Variants in PPHLN1 observed in about 807,000 individuals in gnomAD.
PPHLN1 encodes periphilin-1.
Under a neutral mutation model 51.3 loss-of-function variants are expected in PPHLN1, and 29 were observed. That is an observed-to-expected ratio of 0.57 (90% CI 0.42 to 0.77). The LOEUF (loss-of-function observed/expected upper bound fraction) is 0.77, where lower values mean the gene tolerates loss of function less well. Ranked by LOEUF, PPHLN1 falls within the 30% of genes least tolerant of loss-of-function variation. The pLI is 0.00. For missense variants in PPHLN1, 436 were observed against 438.4 expected (o/e 0.99, Z 0.05); for synonymous variants, 147 against 147.8 (o/e 0.99, Z 0.04).
chr12:42,362,604 T>C (rs1383822151), intron 4 of PPHLN1, among the ~76,000 whole-genome samples: 1 of 152,240 alleles, frequency 6.6e-6, no homozygotes. Flanking sequence ...GGAGAGTGAT[T>C]TTTTGAAGCT....
chr12:42,410,474 C>T (rs2079711791), intron 9 of PPHLN1, among the ~76,000 whole-genome samples: 1 of 152,168 alleles, frequency 6.6e-6, no homozygotes, highest in South Asian at 2.1e-4. Flanking sequence ...ACCTTATTAA[C>T]AGGCTGAAAG....
intron 9 of PPHLN1, among the ~76,000 whole-genome samples, chr12:42,440,836 C>T (rs1593048163): frequency 6.6e-6 from 1 of 152,242 alleles, no homozygotes. Flanking sequence ...GCTTCCACTT[C>T]CCAAATTGCT....
At chr12:42,422,283 T>C (rs2081074573) in intron 9 of PPHLN1, among the ~76,000 whole-genome samples, 1 of 152,238 alleles carries the variant, frequency 6.6e-6, no homozygotes, top group African/African-American at 2.4e-5. Context: ...TTGATGTTTA[T>C]GCTTTTTATT....
intron 8 of PPHLN1, among the ~76,000 whole-genome samples, chr12:42,395,080 A>G (rs2078078127): frequency 6.6e-6 from 1 of 152,074 alleles, no homozygotes; most frequent in Non-Finnish European, 1.5e-5. Context: ...AAATTTAAAT[A>G]TTCTGCTTGG....
At chr12:42,341,628 A>ATTG (rs1212080796) in intron 2 of PPHLN1, among the ~76,000 whole-genome samples, 10 of 151,422 alleles carry the variant, frequency 6.6e-5, no homozygotes, top group Non-Finnish European at 1.3e-4. Context: ...TATTATTATT[A>ATTG]TTATTATTTT....
intron 7 of PPHLN1, among the ~76,000 whole-genome samples, chr12:42,392,783 T>G (rs1031946190): frequency 1.3e-5 from 2 of 152,208 alleles, no homozygotes; most frequent in African/African-American, 4.8e-5. Flanking sequence ...TATAATAGAT[T>G]CACATCAGTG....
At chr12:42,422,849 G>A (rs914575350) in intron 9 of PPHLN1, among the ~76,000 whole-genome samples, 2 of 152,124 alleles carry the variant, frequency 1.3e-5, no homozygotes, top group African/African-American at 4.8e-5. Context: ...AATTTGACTG[G>A]ATTCCTACCT....
intron 9 of PPHLN1, among the ~76,000 whole-genome samples, chr12:42,408,785 C>G (rs1373442911): frequency 6.6e-6 from 1 of 151,992 alleles, no homozygotes; most frequent in African/African-American, 2.4e-5. Context: ...TGTGGATTAG[C>G]CTGGGATCTT....
At chr12:42,340,037 T>C (rs113844936) in intron 2 of PPHLN1, among the ~76,000 whole-genome samples, 2,041 of 152,340 alleles carry the variant, frequency 0.013, 44 homozygotes, top group African/African-American at 0.046. Flanking sequence ...CTGAATACAG[T>C]GGCTCTTGCC....
At chr12:42,358,912 T>A (rs969037546) in intron 4 of PPHLN1, among the ~76,000 whole-genome samples, 1 of 152,126 alleles carries the variant, frequency 6.6e-6, no homozygotes, top group Non-Finnish European at 1.5e-5. Flanking sequence ...ATTTTAAATA[T>A]TAATAGATGT....
intron 2 of PPHLN1, among the ~76,000 whole-genome samples, chr12:42,337,152 G>A (rs1275088256): frequency 2.7e-5 from 4 of 150,286 alleles, no homozygotes; most frequent in Non-Finnish European, 5.9e-5. Context: ...AGGTTATTCT[G>A]TAGTTTACCT....
downstream of PPHLN1, chr12:42,442,712 G>A (rs377621404): frequency 1.5e-5 from 25 of 1,614,006 alleles, no homozygotes; most frequent in Admixed American, 8.3e-5. Context: ...CGGAACCCCC[G>A]AAAACGAAGG....
At chr12:42,368,030 C>T (rs2075438189) in intron 4 of PPHLN1, among the ~76,000 whole-genome samples, 1 of 152,156 alleles carries the variant, frequency 6.6e-6, no homozygotes, top group Non-Finnish European at 1.5e-5. Flanking sequence ...AGCTACTGTG[C>T]CCAGCCAAAA....
rs1003083796 is a variant in PPHLN1 at position 42,424,524 on chromosome 12, C to G, written c.910-16791C>G. Among the ~76,000 whole-genome samples the G allele has an allele frequency of 2.6e-5, 4 of 152,242 alleles. No individual in the cohort carries two copies. In the East Asian group the frequency reaches 7.7e-4, roughly 29 times the overall value. On this transcript the variant is annotated intron_variant, in intron 9 of 9. Coordinates refer to ENST00000358314, the MANE Select transcript of PPHLN1 (RefSeq NM_201439.2). ...TCTTTATTACTAAAACTCTTAAATC[C>G]TGTCTTCTACAAATACATATTTTTC...
downstream of PPHLN1, chr12:42,445,728 A>G (rs1040961792): frequency 2.9e-5 from 11 of 384,180 alleles, no homozygotes; most frequent in Admixed American, 1.7e-4. Context: ...CCTTAAAAAT[A>G]TGCTCAGAAA....
At chr12:42,391,628 G>A (rs893426484) in intron 7 of PPHLN1, among the ~76,000 whole-genome samples, 23 of 148,064 alleles carry the variant, frequency 1.6e-4, no homozygotes, top group Non-Finnish European at 3.0e-5. Context: ...TCACCCCCTG[G>A]AAAAAAAAAC....
At chr12:42,354,397 A>T (rs769344853) in intron 3 of PPHLN1, among the ~76,000 whole-genome samples, 20 of 151,524 alleles carry the variant, frequency 1.3e-4, no homozygotes, top group South Asian at 2.1e-4. Flanking sequence ...TTTTGTAGAG[A>T]TGGGGTTTCA....
intron 4 of PPHLN1, among the ~76,000 whole-genome samples, chr12:42,371,049 G>A (rs1040241965): frequency 6.7e-6 from 1 of 150,236 alleles, no homozygotes; most frequent in Non-Finnish European, 1.5e-5. Flanking sequence ...CAAGTGATCC[G>A]CCCTGCCTCG....
chr12:42,421,594 C>T (rs749978965), intron 9 of PPHLN1, among the ~76,000 whole-genome samples: 25 of 152,114 alleles, frequency 1.6e-4, no homozygotes, highest in Non-Finnish European at 1.0e-4. Context: ...GCGATCCACC[C>T]GCCTCAGCCT....
Sources: allele counts gnomAD v4.1 joint callset (sites outside exome capture counted in the v4.1 genomes callset), GRCh38; gene constraint gnomAD v4.1.1; transcripts MANE v1.5; gene names NCBI Gene and HGNC (gene_info 2026-07-23, HGNC 2026-07-21).